The following CD109 variants were observed in gnomAD, a reference collection of about 807,000 sequenced individuals.
CD109 encodes CD109 molecule.
A neutral mutation model predicts 165.8 loss-of-function variants in CD109; 149 were observed. That is an observed-to-expected ratio of 0.90 (90% CI 0.79 to 1.03). The LOEUF is 1.03. Among genes scored for constraint, CD109 ranks in the 50% least tolerant of loss-of-function variants. CD109 has a pLI of 0.00. For synonymous variants in CD109, 585 were observed against 592.1 expected (o/e 0.99, Z 0.18); for missense variants, 1,712 against 1,677.8 (o/e 1.02, Z -0.36).
intron 1 of CD109, 118 bp downstream of exon 1, chr6:73,696,407 T>G (rs1272982815): frequency 3.6e-6 from 3 of 829,636 alleles, no homozygotes; most frequent in Non-Finnish European, 5.1e-6. Context: ...GGAAATGCCC[T>G]CGCGGCTGCA....
At chr6:73,798,657 A>AAT (rs1432976843) in intron 23 of CD109, among the ~76,000 whole-genome samples, 1 of 151,644 alleles carries the variant, frequency 6.6e-6, no homozygotes, top group Admixed American at 6.6e-5. Flanking sequence ...TCACTGCAAA[A>AAT]CTGGTGATTG....
At chr6:73,685,892 T>C in the CD109 span, among the ~76,000 whole-genome samples, 1 of 152,248 alleles carries the variant, frequency 6.6e-6, no homozygotes, top group Admixed American at 6.5e-5. Flanking sequence ...ATTTCCTTTC[T>C]GATTTGGATG....
At chr6:73,686,832 C>T in the CD109 span, among the ~76,000 whole-genome samples, 1 of 152,138 alleles carries the variant, frequency 6.6e-6, no homozygotes, top group Non-Finnish European at 1.5e-5. Flanking sequence ...GCTGGGATTA[C>T]AGGTGCCTGC....
chr6:73,717,645 A>T (rs1771790314), intron 2 of CD109, among the ~76,000 whole-genome samples: 1 of 99,188 alleles, frequency 1.0e-5, no homozygotes, highest in African/African-American at 4.0e-5. Context: ...TTTGAGATGG[A>T]GTCTCGCTCT....
At chr6:73,733,000 G>C (rs562037668) in intron 4 of CD109, among the ~76,000 whole-genome samples, 149 of 152,292 alleles carry the variant, frequency 9.8e-4, no homozygotes, top group Admixed American at 7.5e-3. Flanking sequence ...CCATGCTCCT[G>C]TCTCTGTACC....
At chr6:73,794,821 A>G (rs1358771552) in intron 23 of CD109, among the ~76,000 whole-genome samples, 1 of 152,166 alleles carries the variant, frequency 6.6e-6, no homozygotes, top group Non-Finnish European at 1.5e-5. Context: ...GAGATCCAGC[A>G]GTTGGAATTT....
chr6:73,775,132 G>T lies in CD109; in HGVS notation c.1827+3551G>T, dbSNP rs148799083. Among the ~76,000 whole-genome samples the T allele has an allele frequency of 3.3e-3, 506 of 151,742 alleles. 3 individuals carry two copies. Among genetic ancestry groups the T allele is most frequent in the African/African-American group, 0.012 (477 of 41,382 alleles). On this transcript the variant is annotated intron_variant, in intron 15 of 32. Coordinates refer to ENST00000287097, the MANE Select transcript of CD109 (RefSeq NM_133493.5). ...AGGAAGATTTCTTTATGAGATAGATGCTGCTTTTGCTTTTTTTAAAATAAA... is the reference window on the plus strand; with the variant it reads ...AGGAAGATTTCTTTATGAGATAGATTCTGCTTTTGCTTTTTTTAAAATAAA...
intron 5 of CD109, 73 bp from the exon 6 acceptor site, chr6:73,756,570 C>A: frequency 1.0e-6 from 1 of 966,048 alleles, no homozygotes. Flanking sequence ...TTGTTTTATG[C>A]AAGTAAGTAA....
chr6:73,779,706 G>A (rs7761180), intron 15 of CD109, among the ~76,000 whole-genome samples: 2 of 152,022 alleles, frequency 1.3e-5, no homozygotes, highest in Admixed American at 1.3e-4. Context: ...GTATCTCTTG[G>A]AGTTACTGTT....
intron 14 of CD109, among the ~76,000 whole-genome samples, chr6:73,769,672 A>G (rs1441107611): frequency 7.9e-5 from 12 of 152,246 alleles, no homozygotes; most frequent in Admixed American, 6.5e-4. Flanking sequence ...CTATGGAATA[A>G]ATAAATGAGC....
rs1775731670 is a variant in CD109, at chr6:73,810,887, C to G, written c.3547-105C>G. The stretch of plus-strand genomic sequence containing the variant: ...AATATGAATCAGGGAGCATTCCACT[C>G]TGAAGGAAGGTGTATGAATATCCAG... On this transcript the variant is annotated intron_variant, in intron 27 of 32. Coordinates refer to ENST00000287097, the MANE Select transcript of CD109 (RefSeq NM_133493.5). 3.5e-6 allele frequency: 4 copies of G among 1,130,394 alleles called. No individual in the cohort carries two copies. In the East Asian group the frequency reaches 9.6e-5, roughly 27 times the overall value. 70.0% of individuals were successfully genotyped at this position (1,130,394 alleles called of 1,614,324 possible).
chr6:73,735,866 A>G (rs1009705979), intron 4 of CD109, among the ~76,000 whole-genome samples: 8 of 152,172 alleles, frequency 5.3e-5, no homozygotes, highest in East Asian at 1.9e-4. Flanking sequence ...AGTGCCTGAC[A>G]CATATTGGGC....
Position 73,782,821 on chromosome 6 carries a change from C to T in CD109, c.2105+66C>T, listed in dbSNP as rs947856048. 1.3e-5 allele frequency: 19 copies of T among 1,502,118 alleles called. 1 individual carries two copies. The Admixed American group carries it at 1.6e-4, about 13-fold the overall frequency. 93.0% of individuals were successfully genotyped at this position (1,502,118 alleles called of 1,614,324 possible). ...TAGTGTTTGTTTTAAATAAGCTTTG[C>T]CCGCTTTCTAATGTTTAAGTACAAA... On this transcript the variant is annotated intron_variant, in intron 18 of 32. Coordinates refer to ENST00000287097, the MANE Select transcript of CD109 (RefSeq NM_133493.5).
intron 5 of CD109, among the ~76,000 whole-genome samples, chr6:73,745,745 T>C (rs562553347): frequency 7.2e-4 from 110 of 152,328 alleles, no homozygotes; most frequent in African/African-American, 2.4e-3. Flanking sequence ...TTGTTTGTTT[T>C]TGAGACAGAG....
intron 3 of CD109, among the ~76,000 whole-genome samples, chr6:73,727,766 A>T (rs193180379): frequency 1.3e-5 from 2 of 152,176 alleles, no homozygotes; most frequent in African/African-American, 4.8e-5. Flanking sequence ...AATCCCATCA[A>T]ATATATTTTT....
intron 23 of CD109, among the ~76,000 whole-genome samples, chr6:73,800,032 T>A (rs1336932214): frequency 6.6e-6 from 1 of 152,002 alleles, no homozygotes; most frequent in African/African-American, 2.4e-5. Flanking sequence ...TTTTTTTGTA[T>A]TTTTGTAGAG....
At position 73,791,152 on chromosome 6, in the gene CD109, TATATATATATATATATATATATATAC is replaced by T. The variant is rs1391662456; in HGVS notation, c.2702-1472_2702-1447del. Among the ~76,000 whole-genome samples the T allele has an allele frequency of 1.1e-3, 64 of 58,346 alleles. 4 individuals carry two copies. The highest frequency in any genetic ancestry group is 4.7e-3 in the African/African-American group (52 of 11,106). 38.3% of individuals were successfully genotyped at this position (58,346 alleles called of 152,430 possible). A position where few individuals can be genotyped will look rare whatever the true frequency, so the allele number is the denominator to read the frequency against. On this transcript the variant is annotated intron_variant, in intron 22 of 32. Coordinates refer to ENST00000287097, the MANE Select transcript of CD109 (RefSeq NM_133493.5). ...ACATACATACATATATATATATATA[TATATATATATATATATATATATATAC>T]ACACACACACATACATATATATATA...
chr6:73,732,719 G>A (rs918994131), intron 4 of CD109, among the ~76,000 whole-genome samples: 1 of 152,202 alleles, frequency 6.6e-6, no homozygotes, highest in African/African-American at 2.4e-5. Flanking sequence ...TAACCCTGCT[G>A]GTTCTGGATA....
chr6:73,705,512 T>A (rs2150150117), intron 2 of CD109, among the ~76,000 whole-genome samples: 1 of 152,098 alleles, frequency 6.6e-6, no homozygotes, highest in South Asian at 2.1e-4. Flanking sequence ...CGTGGTGACA[T>A]GTGCTTGTAG....
Sources: allele counts gnomAD v4.1 joint callset (sites outside exome capture counted in the v4.1 genomes callset), GRCh38; gene constraint gnomAD v4.1.1; transcripts MANE v1.5; gene names NCBI Gene and HGNC (gene_info 2026-07-23, HGNC 2026-07-21).